The following SIK2 variants were observed in gnomAD, a reference collection of about 807,000 sequenced individuals.
SIK2 encodes the protein salt inducible kinase 2.
In SIK2, 29 loss-of-function variants were observed where a neutral mutation model predicts 103.2. That is an observed-to-expected ratio of 0.28 (90% CI 0.21 to 0.38). The LOEUF (loss-of-function observed/expected upper bound fraction) is 0.38. SIK2 is among the 10% of genes least tolerant of loss of function. The probability of loss-of-function intolerance (pLI) is 1.00; values close to 1 mark genes in which losing one functional copy is unlikely to be tolerated. For synonymous variants in SIK2, 412 were observed against 446.1 expected (o/e 0.92, Z 0.96); for missense variants, 879 against 1,171.0 (o/e 0.75, Z 3.64).
At chr11:111,654,580 T>C (rs187599547) in intron 3 of SIK2, among the ~76,000 whole-genome samples, 1 of 152,360 alleles carries the variant, frequency 6.6e-6, no homozygotes, top group East Asian at 1.9e-4. Context: ...TACTTAAAGG[T>C]AAGTTCTTTA....
chr11:111,645,764 G>A (rs540961286), intron 3 of SIK2, among the ~76,000 whole-genome samples: 1 of 151,696 alleles, frequency 6.6e-6, no homozygotes, highest in East Asian at 2.0e-4. Flanking sequence ...GCAATGAGCC[G>A]AGATGATGCC....
Position 111,688,039 on chromosome 11 carries a change from G to A in SIK2, c.355G>A (p.Ala119Thr), listed in dbSNP as rs750748131. Reference protein sequence around the residue: ...ANHGRLNESEARRKFWQILSA... With the variant: ...ANHGRLNESETRRKFWQILSA... ...TCATGGCCGGTTAAATGAGTCTGAAGCCAGGCGAAAATTCTGGCAAATCCT... is the reference window on the plus strand; with the variant it reads ...TCATGGCCGGTTAAATGAGTCTGAAACCAGGCGAAAATTCTGGCAAATCCT... Residue 119 changes from alanine (A) to threonine (T), a missense_variant, in exon 4 of 15, where the codon GCC becomes ACC. This residue lies in a region of SIK2 where 126 missense variants were observed against 245.5 expected (regional missense o/e 0.51). Transcript: ENST00000304987. This position sits in a 1 kb window ranked among gnomAD's most constrained non-coding sequence, Gnocchi z 4.2. 5.6e-6 allele frequency: 9 copies of A among 1,614,176 alleles called. No homozygotes were observed.
Position 111,620,380 on chromosome 11 carries a change from T to C in SIK2, c.294T>C (p.Tyr98=). Residue 98 remains tyrosine (Y), a synonymous_variant, in exon 3 of 15, where the codon TAT becomes TAC. Coordinates refer to ENST00000304987, the MANE Select transcript of SIK2 (RefSeq NM_015191.3). ...GTATGTTGTACCTTGTGACAGAATA[T>C]GCCAAAAATGGAGAAATTTTTGGTA... ...TKSMLYLVTE[Y]AKNGEIFDYL... is the part of the protein sequence containing the mutation. 1 of 1,590,752 alleles carries C rather than the reference T, an allele frequency of 6.3e-7. No homozygotes were observed. Among genetic ancestry groups the C allele is most frequent in the Non-Finnish European group, 8.5e-7 (1 of 1,171,210 alleles).
intron 9 of SIK2, among the ~76,000 whole-genome samples, chr11:111,717,758 A>G (rs1208627152): frequency 6.6e-6 from 1 of 152,238 alleles, no homozygotes; most frequent in Non-Finnish European, 1.5e-5. Context: ...AATACCATGC[A>G]TACATAGAAA....
At chr11:111,721,782 T>TCA (rs1194318924) in intron 12 of SIK2, 48 bp from the exon 13 acceptor site, 3 of 1,482,760 alleles carry the variant, frequency 2.0e-6, no homozygotes, top group Non-Finnish European at 2.8e-6. Flanking sequence ...ACTGAGACGT[T>TCA]TTTCCCCATG....
At position 111,649,487 on chromosome 11, in the gene SIK2, T is replaced by A. The variant is rs772203736; in HGVS notation, c.316+29085T>A. ...TAAAAGTAATACTTTTATACTTTTT[T>A]CCCTAATAAGGGAAAAGTCACTTAT... On this transcript the variant is annotated intron_variant, in intron 3 of 14. Transcript: ENST00000304987. 1.3e-4 allele frequency among the ~76,000 whole-genome samples: 20 copies of A among 152,230 alleles called. No individual in the cohort carries two copies. In the South Asian group the frequency reaches 1.5e-3, roughly 11 times the overall value.
chr11:111,623,327 T>C (rs1033068295), intron 3 of SIK2, among the ~76,000 whole-genome samples: 2 of 152,236 alleles, frequency 1.3e-5, no homozygotes, highest in African/African-American at 4.8e-5. Flanking sequence ...TGTCTGCTGA[T>C]TTCCAGCATC....
chr11:111,690,776 A>G (rs1406121784), intron 4 of SIK2, among the ~76,000 whole-genome samples: 1 of 152,164 alleles, frequency 6.6e-6, no homozygotes, highest in Non-Finnish European at 1.5e-5. Context: ...TGTCCCTGCA[A>G]AGGACATGAA....
At chr11:111,603,994 T>C (rs974806258) in intron 1 of SIK2, among the ~76,000 whole-genome samples, 1 of 152,266 alleles carries the variant, frequency 6.6e-6, no homozygotes, top group Non-Finnish European at 1.5e-5. Flanking sequence ...TATGTCATTC[T>C]GTCTTCTTTA....
At position 111,616,414 on chromosome 11, in the gene SIK2, C is replaced by T. The variant is rs148016782; in HGVS notation, c.252+55C>T. 146 of 963,254 alleles carry T rather than the reference C, an allele frequency of 1.5e-4. 2 individuals carry two copies. In the East Asian group the frequency reaches 3.3e-3, roughly 22 times the overall value. The allele number at this position is 963,254 out of a possible 1,614,324, so 59.7% of individuals were successfully genotyped here. ...CATTCCACAAGATAGTTCTCTATTT[C>T]GTATCATGATTTTTCTTCTTATATT... On this transcript the variant is annotated intron_variant, in intron 2 of 14. Coordinates refer to ENST00000304987, the MANE Select transcript of SIK2 (RefSeq NM_015191.3).
Position 111,728,893 on chromosome 11 carries a change from C to A in SIK2, c.*4764C>A, listed in dbSNP as rs972095169. The A allele has an allele frequency of 6.0e-5, 9 of 148,898 alleles. No homozygotes were observed. The South Asian group carries it at 1.7e-3, about 28-fold the overall frequency. The allele number at this position is 148,898 out of a possible 1,614,324, so 9.2% of individuals were successfully genotyped here. A position where few individuals can be genotyped will look rare whatever the true frequency, so the allele number is the denominator to read the frequency against. ...GAGCCAAGATCGTGCCACTGCACTCCAGCCTGGGCGACAGAGCAAGACTCC... is the reference window on the plus strand; with the variant it reads ...GAGCCAAGATCGTGCCACTGCACTCAAGCCTGGGCGACAGAGCAAGACTCC... On this transcript the variant is annotated 3_prime_UTR_variant, in exon 15 of 15. Coordinates refer to ENST00000304987, the MANE Select transcript of SIK2 (RefSeq NM_015191.3).
In SIK2 at chr11:111,727,144, C is replaced by G; in HGVS notation, c.*3015C>G. 2 of 1,101,432 alleles carry G rather than the reference C, an allele frequency of 1.8e-6. No homozygotes were observed. The highest frequency in any genetic ancestry group is 5.6e-4 in the Middle Eastern group (2 of 3,574). 68.2% of individuals were successfully genotyped at this position (1,101,432 alleles called of 1,614,324 possible). A position where few individuals can be genotyped will look rare whatever the true frequency, so the allele number is the denominator to read the frequency against. On this transcript the variant is annotated 3_prime_UTR_variant, in exon 15 of 15. Transcript: ENST00000304987. Reference sequence around the variant, plus strand: ...GACACTGACCGTCCCCAGCTGCCCCCTCGCCACCTCTGCCTGCACTGCCTT... The same window carrying G: ...GACACTGACCGTCCCCAGCTGCCCCGTCGCCACCTCTGCCTGCACTGCCTT...
intron 3 of SIK2, among the ~76,000 whole-genome samples, chr11:111,660,965 G>C (rs1238561784): frequency 1.3e-5 from 2 of 150,576 alleles, no homozygotes; most frequent in Non-Finnish European, 2.9e-5. Flanking sequence ...CTCTTGAGTA[G>C]CTGGGATTAA....
chr11:111,657,949 A>T (rs189540159), intron 3 of SIK2, among the ~76,000 whole-genome samples: 34 of 152,292 alleles, frequency 2.2e-4, no homozygotes, highest in Admixed American at 2.0e-3. Flanking sequence ...CAGTATTCTG[A>T]CTAGGCTAAG....
rs763828886 is a variant in SIK2 at position 111,706,959 on chromosome 11, CAAAAAAAAAAA to C, written c.1101+1831_1101+1841del. On this transcript the variant is annotated intron_variant, in intron 8 of 14. Transcript: ENST00000304987. Reference sequence around the variant, plus strand: ...TGGGTGACAGAGCAGGACTCCGTCTCAAAAAAAAAAAAAAAAAAAAAGTATTGATACAGATG... The same window carrying C: ...TGGGTGACAGAGCAGGACTCCGTCTCAAAAAAAAAAGTATTGATACAGATG... Among the ~76,000 whole-genome samples the C allele has an allele frequency of 2.6e-3, 136 of 52,114 alleles. 1 individual carries two copies. The highest frequency in any genetic ancestry group is 8.8e-3 in the Middle Eastern group (1 of 114). The allele number at this position is 52,114 out of a possible 152,430, so 34.2% of individuals were successfully genotyped here.
At position 111,712,430 on chromosome 11, in the gene SIK2, T is replaced by G. The variant is rs1943526192; in HGVS notation, c.1266+55T>G. On this transcript the variant is annotated intron_variant, in intron 9 of 14. Coordinates refer to ENST00000304987, the MANE Select transcript of SIK2 (RefSeq NM_015191.3). ...GGCAGTTTGGCGAGAGATTTCAGTT[T>G]GGTCCACAAGTGTTGTACTTTGGCT... 3.2e-6 allele frequency: 5 copies of G among 1,560,986 alleles called. No individual in the cohort carries two copies. In the Admixed American group the frequency reaches 9.3e-5, roughly 29 times the overall value.
intron 3 of SIK2, among the ~76,000 whole-genome samples, chr11:111,645,813 A>G (rs1942247893): frequency 1.3e-5 from 2 of 151,742 alleles, no homozygotes; most frequent in South Asian, 4.2e-4. Context: ...AAGAAAAAAA[A>G]AAAAGACAAA....
chr11:111,662,323 A>G (rs1446119190), intron 3 of SIK2, among the ~76,000 whole-genome samples: 2 of 152,232 alleles, frequency 1.3e-5, no homozygotes, highest in Non-Finnish European at 2.9e-5. Context: ...ATTGTTCCAG[A>G]TCCAGGGGAT....
intron 7 of SIK2, 111 bp downstream of exon 7, chr11:111,703,534 CTGTTCAG>C: frequency 1.1e-6 from 1 of 871,284 alleles, no homozygotes; most frequent in Non-Finnish European, 1.8e-6. Flanking sequence ...CCTAGGCGTA[CTGTTCAG>C]TGTTCCCTAT....
Sources: gnomAD v4.1 joint callset for allele counts (sites outside exome capture counted in the v4.1 genomes callset) on GRCh38, gnomAD v4.1.1 for gene constraint, gnomAD v4.1.1 regional missense constraint, Gnocchi (gnomAD v3.1) non-coding constraint, MANE v1.5 for transcripts, NCBI Gene and HGNC (gene_info 2026-07-23, HGNC 2026-07-21) for gene names.